BSG: variants seen among roughly 807,000 people sequenced by gnomAD.
BSG encodes basigin.
In BSG, 37 loss-of-function variants were observed where a neutral mutation model predicts 43.1. The observed-to-expected ratio is 0.86, with a 90% CI of 0.66 to 1.13. The LOEUF is 1.13. Ranked by LOEUF, BSG falls within the 50% of genes most tolerant of loss-of-function variation. The pLI is 0.00. For missense variants in BSG, 599 were observed against 554.2 expected (o/e 1.08, Z -0.81); for synonymous variants, 309 against 238.7 (o/e 1.29, Z -2.72).
At chr19:577,248 C>G (rs1203426078) in intron 1 of BSG, among the ~76,000 whole-genome samples, 3 of 86,506 alleles carry the variant, frequency 3.5e-5, no homozygotes, top group African/African-American at 9.8e-5. Context: ...CCAAATCCGC[C>G]TCTCTCTGGG....
intron 1 of BSG, 30 bp downstream of exon 1, chr19:572,731 G>A: frequency 1.4e-6 from 2 of 1,439,058 alleles, no homozygotes; most frequent in South Asian, 1.4e-5. Flanking sequence ...CGGGGGTGCG[G>A]TCCTGCAGGG....
chr19:578,965 C>T (rs1042424171), intron 2 of BSG: 16 of 453,324 alleles, frequency 3.5e-5, no homozygotes, highest in Non-Finnish European at 6.2e-5. Context: ...CTCCCGACCT[C>T]GAGATCCACC....
chr19:578,928 C>CTCTTCT (rs1982022852), intron 2 of BSG: 1 of 434,038 alleles, frequency 2.3e-6, no homozygotes, highest in African/African-American at 2.0e-5. Flanking sequence ...GACGGGGTTT[C>CTCTTCT]ACCGTGTTAG....
intron 3 of BSG, chr19:579,948 C>T: frequency 2.2e-6 from 1 of 464,390 alleles, no homozygotes; most frequent in East Asian, 3.9e-5. Context: ...CGTGTGCGGG[C>T]CTCCCAGGCT....
At chr19:582,707 G>A (rs543519383) in intron 8 of BSG, 43 bp from the exon 9 acceptor site, 10 of 1,066,086 alleles carry the variant, frequency 9.4e-6, no homozygotes, top group Admixed American at 2.2e-5. Flanking sequence ...CCTGTGGGTC[G>A]CTGGGAGGTG....
At chr19:578,163 C>T (rs748600862) in intron 2 of BSG, 42 bp downstream of exon 2, 4 of 1,473,568 alleles carry the variant, frequency 2.7e-6, no homozygotes, top group Non-Finnish European at 3.6e-6. Flanking sequence ...CTCAGTTTCC[C>T]TCCTGTGCCG....
intron 5 of BSG, 82 bp downstream of exon 5, chr19:580,864 G>A (rs1982242383): frequency 1.5e-6 from 2 of 1,363,172 alleles, no homozygotes; most frequent in Non-Finnish European, 2.0e-6. Context: ...CCCGGACCCA[G>A]CCCTCAGGAC....
chr19:582,233 C>G (rs944312447), intron 6 of BSG, 73 bp from the exon 7 acceptor site: 1 of 1,582,108 alleles, frequency 6.3e-7, no homozygotes. Context: ...TGCCCCTGCT[C>G]GGGGCCTGAG....
upstream of BSG, chr19:571,779 T>A: frequency 1.7e-6 from 1 of 602,532 alleles, no homozygotes. Flanking sequence ...TCCTCTGTCC[T>A]TTCCCTGTTG....
intron 1 of BSG, among the ~76,000 whole-genome samples, chr19:575,880 C>T (rs1040465104): frequency 6.6e-5 from 10 of 150,964 alleles, no homozygotes; most frequent in African/African-American, 1.7e-4. Context: ...TGGGGTGGTC[C>T]GTGGGGTGGG....
intron 1 of BSG, among the ~76,000 whole-genome samples, chr19:573,268 G>A (rs1411629269): frequency 6.6e-6 from 1 of 152,174 alleles, no homozygotes; most frequent in Non-Finnish European, 1.5e-5. Flanking sequence ...AAGCGGCCTG[G>A]GCGTGGAATC....
chr19:580,228 A>G, intron 3 of BSG, 151 bp from the exon 4 acceptor site: 2 of 664,452 alleles, frequency 3.0e-6, no homozygotes, highest in Non-Finnish European at 5.1e-6. Flanking sequence ...TTGGGGCCGC[A>G]CGGGGACCCC....
At chr19:575,939 G>A (rs185398568) in intron 1 of BSG, among the ~76,000 whole-genome samples, 3 of 152,202 alleles carry the variant, frequency 2.0e-5, no homozygotes, top group East Asian at 1.9e-4. Context: ...TTTCTCTTCC[G>A]GACGCCCCCC....
intron 1 of BSG, among the ~76,000 whole-genome samples, chr19:577,321 C>T (rs12611131): frequency 0.14 from 21,567 of 152,098 alleles, 1,751 homozygotes; most frequent in South Asian, 0.27. Context: ...CTAACGGAGC[C>T]GGGCTAGGGG....
At chr19:577,176 A>AGGAAGGGGAGGC (rs1403658753) in intron 1 of BSG, among the ~76,000 whole-genome samples, 4 of 151,836 alleles carry the variant, frequency 2.6e-5, no homozygotes, top group Non-Finnish European at 5.9e-5. Flanking sequence ...TGCATTTCGA[A>AGGAAGGGGAGGC]GGAAGGGGAG....
In BSG at chr19:574,641, G is replaced by A. The variant is rs111929936; in HGVS notation, c.67+1940G>A. 5.7e-3 allele frequency among the ~76,000 whole-genome samples: 868 copies of A among 152,348 alleles called. 12 individuals carry two copies. The highest frequency in any genetic ancestry group is 0.019 in the African/African-American group (773 of 41,580). On this transcript the variant is annotated intron_variant, in intron 1 of 8. Transcript: ENST00000333511. Reference sequence around the variant, plus strand: ...GGTCTGGCCTCCTGAAGGGTCAAGAGCAAGGGCTTCGAGCCTCTGTCCTGG... The same window carrying A: ...GGTCTGGCCTCCTGAAGGGTCAAGAACAAGGGCTTCGAGCCTCTGTCCTGG...
intron 1 of BSG, among the ~76,000 whole-genome samples, 164 bp from the exon 2 acceptor site, chr19:577,610 T>C (rs1981886237): frequency 6.6e-6 from 1 of 152,172 alleles, no homozygotes; most frequent in South Asian, 2.1e-4. Context: ...GTCTTTCCCA[T>C]GCCATGCTGT....
In BSG at chr19:580,428, G is replaced by T; in HGVS notation, c.622G>T (p.Glu208Ter). The change falls in exon 4 of 9, where the codon GAG becomes TAG. Residue 208 changes from glutamate (E) to a stop codon, truncating the protein, a stop_gained. Transcript: ENST00000333511. LOFTEE classifies it high-confidence loss of function. ...AGAGTACTCCTGCGTCTTCCTCCCC[G>T]AGCCCATGGGCACGGCCAACATCCA... is the stretch of plus-strand genomic sequence containing the variant. The part of the protein sequence containing the change: ...WGEYSCVFLP[E>*]PMGTANIQLH... The T allele has an allele frequency of 6.2e-7, 1 of 1,610,980 alleles. No individual in the cohort carries two copies. The highest frequency in any genetic ancestry group is 1.3e-5 in the African/African-American group (1 of 74,996).
intron 1 of BSG, among the ~76,000 whole-genome samples, chr19:576,595 A>C (rs1981791550): frequency 6.6e-6 from 1 of 152,166 alleles, no homozygotes; most frequent in African/African-American, 2.4e-5. Context: ...CCCCGTCTCT[A>C]CTAAAAATAC....
Sources: allele counts gnomAD v4.1 joint callset (sites outside exome capture counted in the v4.1 genomes callset), GRCh38; gene constraint gnomAD v4.1.1; transcripts MANE v1.5; gene names NCBI Gene and HGNC (gene_info 2026-07-23, HGNC 2026-07-21).